Variants in PTPRD observed in about 807,000 individuals in gnomAD.
PTPRD encodes the protein receptor-type tyrosine-protein phosphatase delta.
In PTPRD, 34 loss-of-function variants were observed where a neutral mutation model predicts 214.5. The observed-to-expected ratio is 0.16, with a 90% CI of 0.12 to 0.21. The LOEUF (loss-of-function observed/expected upper bound fraction) is 0.21, where lower values mean the gene tolerates loss of function less well. PTPRD is among the 10% of genes least tolerant of loss of function. PTPRD has a pLI of 1.00. For missense variants in PTPRD, 2,545 were observed against 2,398.7 expected, an observed-to-expected ratio of 1.06 and a Z score of -1.27; for synonymous variants, 1,128 against 845.7, an observed-to-expected ratio of 1.33 and a Z score of -5.79.
intron 4 of PTPRD, among the ~76,000 whole-genome samples, chr9:10,031,443 G>T (rs1010901561): frequency 6.6e-6 from 1 of 151,154 alleles, no homozygotes; most frequent in African/African-American, 2.4e-5. Flanking sequence ...ATGTGAAAAG[G>T]CGAGACTGTC....
At chr9:8,932,018 T>A (rs927789208) in intron 11 of PTPRD, among the ~76,000 whole-genome samples, 3 of 152,200 alleles carry the variant, frequency 2.0e-5, no homozygotes, top group Admixed American at 6.5e-5. Flanking sequence ...ATCTCCTTTA[T>A]AATTTTTTAG....
chr9:10,566,117 T>G (rs956183959), intron 2 of PTPRD, among the ~76,000 whole-genome samples: 4 of 152,100 alleles, frequency 2.6e-5, no homozygotes, highest in Non-Finnish European at 4.4e-5. Context: ...GGTAATTTGA[T>G]AAATTTCTTT....
At chr9:8,628,476 C>G (rs1010101414) in intron 14 of PTPRD, among the ~76,000 whole-genome samples, 2 of 151,726 alleles carry the variant, frequency 1.3e-5, no homozygotes, top group Non-Finnish European at 2.9e-5. Flanking sequence ...GTAACAGTCA[C>G]CTTCAGGGAG....
intron 5 of PTPRD, among the ~76,000 whole-genome samples, chr9:9,893,243 A>G (rs113004795): frequency 0.077 from 11,627 of 151,770 alleles, 1,030 homozygotes; most frequent in African/African-American, 0.22. Flanking sequence ...AGCAGCTAGT[A>G]TCATGAGGAC....
chr9:10,106,671 T>G (rs774268231), intron 3 of PTPRD, among the ~76,000 whole-genome samples: 1 of 151,652 alleles, frequency 6.6e-6, no homozygotes, highest in African/African-American at 2.4e-5. Context: ...TGACAAGAAA[T>G]GTTGAGATGT....
chr9:9,671,681 T>C (rs990666866), intron 7 of PTPRD, among the ~76,000 whole-genome samples: 7 of 152,170 alleles, frequency 4.6e-5, no homozygotes, highest in African/African-American at 1.7e-4. Flanking sequence ...TCTCACAAGA[T>C]CTGATGGTTT....
rs535637112 is a variant in PTPRD, at chr9:8,780,640, G to C, written c.-103-46694C>G. On this transcript the variant is annotated intron_variant, in intron 11 of 45. Coordinates refer to ENST00000381196, the MANE Select transcript of PTPRD (RefSeq NM_002839.4). ...AGAGCCAGGCTCTCAGTGTGTGTCA[G>C]TCAGTAGAATGAAAAACTAGACTCA... Among the ~76,000 whole-genome samples the C allele has an allele frequency of 2.0e-5, 3 of 152,300 alleles. No individual in the cohort carries two copies. The South Asian group carries it at 6.2e-4, about 32-fold the overall frequency.
In PTPRD at chr9:8,958,290, A is replaced by T. The variant is rs546030280; in HGVS notation, c.-104+60407T>A. 9.9e-5 allele frequency among the ~76,000 whole-genome samples: 15 copies of T among 152,076 alleles called. No homozygotes were observed. In the East Asian group the frequency reaches 2.9e-3, roughly 29 times the overall value. On this transcript the variant is annotated intron_variant, in intron 11 of 45. Transcript: ENST00000381196. ...CTGAACAAGGAAGATGTGGGGACACAAATGTTCCATATACTTCTTCTCCCT... is the reference window on the plus strand; with the variant it reads ...CTGAACAAGGAAGATGTGGGGACACTAATGTTCCATATACTTCTTCTCCCT...
chr9:9,949,489 G>T (rs567374814), intron 4 of PTPRD, among the ~76,000 whole-genome samples: 2 of 150,968 alleles, frequency 1.3e-5, no homozygotes, highest in East Asian at 3.9e-4. Context: ...ATCTTCATGT[G>T]GATACTTCTT....
chr9:10,244,191 G>C (rs1298160931), intron 3 of PTPRD, among the ~76,000 whole-genome samples: 1 of 151,854 alleles, frequency 6.6e-6, no homozygotes, highest in Non-Finnish European at 1.5e-5. Flanking sequence ...TCACTACTTG[G>C]CCTCCCTTAC....
At chr9:9,812,852 A>C (rs1387550753) in intron 5 of PTPRD, among the ~76,000 whole-genome samples, 1 of 152,146 alleles carries the variant, frequency 6.6e-6, no homozygotes, top group African/African-American at 2.4e-5. Context: ...GTGTACGCAG[A>C]ATATTCTCCA....
At chr9:9,228,036 C>T (rs762366835) in intron 9 of PTPRD, among the ~76,000 whole-genome samples, 2 of 152,096 alleles carry the variant, frequency 1.3e-5, no homozygotes, top group African/African-American at 2.4e-5. Flanking sequence ...TGCAGGCTGT[C>T]TATATCATGT....
intron 9 of PTPRD, among the ~76,000 whole-genome samples, chr9:9,223,559 C>T (rs2099957528): frequency 6.6e-6 from 1 of 151,970 alleles, no homozygotes; most frequent in Admixed American, 6.6e-5. Flanking sequence ...CAGCCTATGC[C>T]TAACAAATGC....
chr9:9,021,108 G>T (rs1283949402), intron 10 of PTPRD, among the ~76,000 whole-genome samples: 2 of 152,146 alleles, frequency 1.3e-5, no homozygotes, highest in South Asian at 2.1e-4. Context: ...TATTTAAGAG[G>T]TATTTTAAAT....
chr9:9,872,575 G>C (rs991901237), intron 5 of PTPRD, among the ~76,000 whole-genome samples: 1 of 152,054 alleles, frequency 6.6e-6, no homozygotes, highest in African/African-American at 2.4e-5. Flanking sequence ...GGGCAACAGA[G>C]CAAGGCCCTG....
chr9:10,336,064 C>T (rs1432409563), intron 3 of PTPRD, among the ~76,000 whole-genome samples: 2 of 151,704 alleles, frequency 1.3e-5, no homozygotes, highest in East Asian at 3.9e-4. Flanking sequence ...TTTTTGCCAC[C>T]TAATCCAGCA....
intron 8 of PTPRD, among the ~76,000 whole-genome samples, chr9:9,454,366 C>T (rs1007041560): frequency 7.3e-5 from 11 of 151,666 alleles, no homozygotes; most frequent in Non-Finnish European, 1.2e-4. Flanking sequence ...TCTTGCAATC[C>T]AGTATGAGTT....
At chr9:9,932,137 C>T (rs964716092) in intron 5 of PTPRD, among the ~76,000 whole-genome samples, 2 of 148,424 alleles carry the variant, frequency 1.3e-5, no homozygotes, top group Non-Finnish European at 1.5e-5. Flanking sequence ...AAAAACAGAA[C>T]AGAAAAACTG....
intron 9 of PTPRD, among the ~76,000 whole-genome samples, chr9:9,275,120 T>C (rs78867239): frequency 5.6e-5 from 3 of 53,984 alleles, no homozygotes; most frequent in East Asian, 5.1e-4. Context: ...ATATATATAT[T>C]ATATATATTA....
Sources: allele counts gnomAD v4.1 joint callset (sites outside exome capture counted in the v4.1 genomes callset), GRCh38; gene constraint gnomAD v4.1.1; transcripts MANE v1.5; gene names NCBI Gene and HGNC (gene_info 2026-07-23, HGNC 2026-07-21).